Variants in PLCG2 observed in about 807,000 individuals in gnomAD.
PLCG2 encodes the protein 1-phosphatidylinositol 4,5-bisphosphate phosphodiesterase gamma-2.
Under a neutral mutation model 175.6 loss-of-function variants are expected in PLCG2, and 69 were observed. The ratio of observed to expected loss-of-function variants is 0.39; its 90% CI spans 0.32 to 0.48. The LOEUF (loss-of-function observed/expected upper bound fraction) is 0.48. Ranked by LOEUF, PLCG2 falls within the 20% of genes least tolerant of loss-of-function variation. The pLI is 0.91. For missense variants in PLCG2, 1,798 were observed against 1,650.9 expected (o/e 1.09, Z -1.54); for synonymous variants, 827 against 624.0 (o/e 1.33, Z -4.85).
intron 2 of PLCG2, among the ~76,000 whole-genome samples, chr16:81,807,532 G>GTA (rs1904286781): frequency 1.3e-5 from 2 of 152,208 alleles, no homozygotes; most frequent in South Asian, 4.1e-4. Flanking sequence ...CATTTATGTA[G>GTA]TATATGTTTA....
chr16:81,783,804 G>C (rs772719293), intron 1 of PLCG2, among the ~76,000 whole-genome samples: 1 of 150,910 alleles, frequency 6.6e-6, no homozygotes, highest in Non-Finnish European at 1.5e-5. Context: ...CTCCTGATAA[G>C]GTAAGATGCA....
chr16:81,859,695 C>T (rs895303320), intron 5 of PLCG2, among the ~76,000 whole-genome samples: 8 of 152,114 alleles, frequency 5.3e-5, no homozygotes, highest in East Asian at 3.9e-4. Context: ...CCACCATGCC[C>T]GGCTAATTTT....
At chr16:81,764,391 G>A (rs746542602) in intron 2 of PLCG2, among the ~76,000 whole-genome samples, 14 of 152,340 alleles carry the variant, frequency 9.2e-5, no homozygotes, top group Non-Finnish European at 1.3e-4. Flanking sequence ...CTCCATGGAC[G>A]AATGTCAATG....
intron 2 of PLCG2, among the ~76,000 whole-genome samples, chr16:81,773,848 C>T (rs867538345): frequency 3.3e-5 from 5 of 152,264 alleles, no homozygotes; most frequent in Middle Eastern, 3.4e-3. Flanking sequence ...GGACTGGAAC[C>T]AGCTCTGTCT....
chr16:81,933,600 T>C (rs1449939090), intron 25 of PLCG2, among the ~76,000 whole-genome samples: 1 of 151,650 alleles, frequency 6.6e-6, no homozygotes, highest in African/African-American at 2.4e-5. Flanking sequence ...AGACAGAGTC[T>C]CACTCTGTTG....
At chr16:81,778,065 C>A (rs1269802849), upstream of PLCG2, among the ~76,000 whole-genome samples, 107 of 32,238 alleles carry the variant, frequency 3.3e-3, no homozygotes, top group South Asian at 0.011. Context: ...CAAAAAAAAC[C>A]AAAAACACAC....
At chr16:81,817,468 G>A (rs1904602245) in intron 2 of PLCG2, among the ~76,000 whole-genome samples, 1 of 152,212 alleles carries the variant, frequency 6.6e-6, no homozygotes, top group Non-Finnish European at 1.5e-5. Context: ...CTTGAGGGGT[G>A]CTGCGCAAGG....
rs529617665 is a variant in PLCG2, at chr16:81,918,974, G to A, written c.2055-510G>A. On this transcript the variant is annotated intron_variant, in intron 19 of 32. Transcript: ENST00000564138. ...AAGATTTAATAATTTTGAGGTGGGG[G>A]GGATTGGCAAACATTTTCTGTGAAG... Among the ~76,000 whole-genome samples, 38 of 152,206 alleles carry A rather than the reference G, an allele frequency of 2.5e-4. No homozygotes were observed. In the South Asian group the frequency reaches 7.9e-3, roughly 32 times the overall value.
intron 2 of PLCG2, among the ~76,000 whole-genome samples, chr16:81,813,158 C>T (rs1349501511): frequency 6.6e-6 from 1 of 152,140 alleles, no homozygotes; most frequent in African/African-American, 2.4e-5. Context: ...GTTATGTGGT[C>T]TCTTTTTTGG....
intron 1 of PLCG2, among the ~76,000 whole-genome samples, chr16:81,750,448 C>G (rs1238680089): frequency 2.1e-5 from 3 of 146,300 alleles, no homozygotes; most frequent in African/African-American, 7.6e-5. Context: ...AAAAATCCAG[C>G]ACAGCAATCC....
In PLCG2 at chr16:81,853,795, C is replaced by T. The variant is rs149721991; in HGVS notation, c.194-649C>T. ...AGGCATAAATACTGGAGGCTGTGGCCCATTAGTAACAGTCCATTACTCTGG... is the reference window on the plus strand; with the variant it reads ...AGGCATAAATACTGGAGGCTGTGGCTCATTAGTAACAGTCCATTACTCTGG... On this transcript the variant is annotated intron_variant, in intron 2 of 32. Transcript: ENST00000564138. 9.2e-3 allele frequency among the ~76,000 whole-genome samples: 1,396 copies of T among 152,168 alleles called. 28 individuals are homozygous for T. Among genetic ancestry groups the T allele is most frequent in the African/African-American group, 0.032 (1,324 of 41,498 alleles).
rs1567551780 is a variant in PLCG2 at position 81,960,801 on chromosome 16, C to T, written c.*2803C>T. ...CCAGTGGCCTTTAGATTAAGCTAGC[C>T]TTACCCCTGGGAGTATACCAGAGCT... is the stretch of plus-strand genomic sequence containing the variant. On this transcript the variant is annotated 3_prime_UTR_variant, in exon 33 of 33. Transcript: ENST00000564138. 8.7e-6 allele frequency: 2 copies of T among 229,592 alleles called. No individual in the cohort carries two copies. The highest frequency in any genetic ancestry group is 1.7e-5 in the Non-Finnish European group (2 of 115,840). 14.2% of individuals were successfully genotyped at this position (229,592 alleles called of 1,614,324 possible). A position where few individuals can be genotyped will look rare whatever the true frequency, so the allele number is the denominator to read the frequency against.
chr16:81,935,765 G>A (rs192127060), intron 26 of PLCG2: 86 of 985,344 alleles, frequency 8.7e-5, no homozygotes, highest in African/African-American at 2.4e-4. Flanking sequence ...GCTTTGGCAG[G>A]TGATTCTCAG....
chr16:81,807,921 C>G (rs1472186212), intron 2 of PLCG2, among the ~76,000 whole-genome samples: 1 of 152,142 alleles, frequency 6.6e-6, no homozygotes, highest in Non-Finnish European at 1.5e-5. Context: ...AGGACAGCAC[C>G]AAGAGATGGT....
rs537882961 is a variant in PLCG2, at chr16:81,859,872, G to T, written c.479+709G>T. Among the ~76,000 whole-genome samples, 4 of 152,260 alleles carry T rather than the reference G, an allele frequency of 2.6e-5. No homozygotes were observed. In the East Asian group the frequency reaches 5.8e-4, roughly 22 times the overall value. On this transcript the variant is annotated intron_variant, in intron 5 of 32. Coordinates refer to ENST00000564138, the MANE Select transcript of PLCG2 (RefSeq NM_002661.5). ...CTAAGGGCTGGTAGAGATGTGTTGG[G>T]TGATGTGATAACGTATATTCAGTTT...
intron 30 of PLCG2, among the ~76,000 whole-genome samples, chr16:81,943,972 G>C (rs1911054745): frequency 6.6e-6 from 1 of 152,134 alleles, no homozygotes; most frequent in Non-Finnish European, 1.5e-5. Flanking sequence ...TGTCCCATGG[G>C]CTCATTTTGA....
chr16:81,956,884 G>T lies in PLCG2; in HGVS notation c.3755+5G>T, dbSNP rs1430068302. ...CCAGGAGAAATGCAACAAGAGGTAGGTCAGCCCCTCCACCTGCAAAAACTT... is the reference window on the plus strand; with the variant it reads ...CCAGGAGAAATGCAACAAGAGGTAGTTCAGCCCCTCCACCTGCAAAAACTT... On this transcript the variant is annotated splice_donor_5th_base_variant and intron_variant, in intron 32 of 32. Coordinates refer to ENST00000564138, the MANE Select transcript of PLCG2 (RefSeq NM_002661.5). 2 of 1,611,302 alleles carry T rather than the reference G, an allele frequency of 1.2e-6. No individual in the cohort carries two copies. The highest frequency in any genetic ancestry group is 2.2e-5 in the South Asian group (2 of 90,912).
At chr16:81,947,125 C>T (rs754760243) in intron 31 of PLCG2, among the ~76,000 whole-genome samples, 4 of 152,074 alleles carry the variant, frequency 2.6e-5, no homozygotes, top group Non-Finnish European at 2.9e-5. Flanking sequence ...TGTAAACAAC[C>T]GGAAACATTA....
intron 2 of PLCG2, among the ~76,000 whole-genome samples, chr16:81,808,481 T>TTTTTATTTTA (rs534581346): frequency 2.6e-5 from 4 of 152,042 alleles, no homozygotes; most frequent in African/African-American, 9.7e-5. Flanking sequence ...CTGTGCAATC[T>TTTTTATTTTA]TTTTATTTTA....
Sources: gnomAD v4.1 joint callset for allele counts (sites outside exome capture counted in the v4.1 genomes callset) on GRCh38, gnomAD v4.1.1 for gene constraint, MANE v1.5 for transcripts, NCBI Gene and HGNC (gene_info 2026-07-23, HGNC 2026-07-21) for gene names.